The following TRIM67 variants were observed in gnomAD, a reference collection of about 807,000 sequenced individuals.
TRIM67 encodes the protein tripartite motif-containing protein 67.
In TRIM67, 39 loss-of-function variants were observed where a neutral mutation model predicts 71.0. That is an observed-to-expected ratio of 0.55 (90% confidence interval 0.43 to 0.72). The LOEUF (loss-of-function observed/expected upper bound fraction) is 0.72. Among genes scored for constraint, TRIM67 ranks in the 30% least tolerant of loss-of-function variants. TRIM67 has a pLI of 0.00. For missense variants in TRIM67, 973 were observed against 1,079.2 expected, an observed-to-expected ratio of 0.90 and a Z score of 1.38; for synonymous variants, 481 against 473.9, an observed-to-expected ratio of 1.01 and a Z score of -0.19.
chr1:231,197,581 T>TG, intron 2 of TRIM67, 115 bp downstream of exon 2: 3 of 894,972 alleles, frequency 3.4e-6, no homozygotes, highest in Non-Finnish European at 3.5e-6. Context: ...ATCCCAACAC[T>TG]TTGGGAGGCC....
intron 1 of TRIM67, among the ~76,000 whole-genome samples, chr1:231,164,680 C>T (rs1469614327): frequency 6.6e-6 from 1 of 152,170 alleles, no homozygotes; most frequent in Non-Finnish European, 1.5e-5. Context: ...GTAGTCTTAC[C>T]AGTAAACAGT....
intron 1 of TRIM67, among the ~76,000 whole-genome samples, chr1:231,193,503 GCTCT>G (rs3049035): frequency 0.067 from 5,492 of 81,942 alleles, 206 homozygotes; most frequent in South Asian, 0.097. Context: ...TCTCTCTCAA[GCTCT>G]CTCTCTCTCT....
intron 6 of TRIM67, 38 bp downstream of exon 6, chr1:231,204,050 A>G: frequency 6.2e-7 from 1 of 1,610,304 alleles, no homozygotes; most frequent in Non-Finnish European, 8.5e-7. Context: ...GATTGAGGGT[A>G]CCAATGCAGA....
chr1:231,197,486 C>T lies in TRIM67; in HGVS notation c.1140+20C>T, dbSNP rs368412114. 102 of 1,607,022 alleles carry T rather than the reference C, an allele frequency of 6.3e-5. No individual in the cohort carries two copies. The highest frequency in any genetic ancestry group is 6.6e-5 in the Non-Finnish European group (78 of 1,174,012). On this transcript the variant is annotated intron_variant, in intron 2 of 9. Transcript: ENST00000366653. ...ATCCAGGTGAGCACAGCTCTGGCGTCGGGAGAAATACTCAGTGTTGAAAGT... is the reference window on the plus strand; with the variant it reads ...ATCCAGGTGAGCACAGCTCTGGCGTTGGGAGAAATACTCAGTGTTGAAAGT...
At chr1:231,186,455 A>G (rs1179831572) in intron 1 of TRIM67, among the ~76,000 whole-genome samples, 1 of 152,144 alleles carries the variant, frequency 6.6e-6, no homozygotes, top group Non-Finnish European at 1.5e-5. Flanking sequence ...AAGCCAGAAG[A>G]CTGAAATCAG....
chr1:231,187,494 A>C, intron 1 of TRIM67: 1 of 1,505,750 alleles, frequency 6.6e-7, no homozygotes, highest in African/African-American at 1.4e-5. Context: ...TATCAGCCAC[A>C]GGTTAAAAAA....
rs1351039910 is a variant in TRIM67, at chr1:231,216,987, T to C, written c.*1547T>C. ...GCTGAGAAGTGACTTGTCAATTTGC[T>C]GGACTGGATTTTTATAAAATTCGCC... On this transcript the variant is annotated 3_prime_UTR_variant, in exon 10 of 10. Coordinates refer to ENST00000366653, the MANE Select transcript of TRIM67 (RefSeq NM_001004342.5). The C allele has an allele frequency of 4.1e-6, 4 of 985,804 alleles. No homozygotes were observed. Among genetic ancestry groups the C allele is most frequent in the Non-Finnish European group, 4.8e-6 (4 of 829,966 alleles). 61.1% of individuals were successfully genotyped at this position (985,804 alleles called of 1,614,324 possible). A position where few individuals can be genotyped will look rare whatever the true frequency, so the allele number is the denominator to read the frequency against.
rs757404038 is a variant in TRIM67 at position 231,199,189 on chromosome 1, A to T, written c.1263+20A>T. ...TTGAAGGTAGGTACCTGGGGGACTGACACATTGAATCCCTGCCACATCCTC... is the reference window on the plus strand; with the variant it reads ...TTGAAGGTAGGTACCTGGGGGACTGTCACATTGAATCCCTGCCACATCCTC... On this transcript the variant is annotated intron_variant, in intron 3 of 9. Transcript: ENST00000366653. 2 of 1,612,998 alleles carry T rather than the reference A, an allele frequency of 1.2e-6. No individual in the cohort carries two copies. The highest frequency in any genetic ancestry group is 2.7e-5 in the African/African-American group (2 of 75,008).
intron 1 of TRIM67, among the ~76,000 whole-genome samples, chr1:231,176,912 A>AAAAAAAC (rs1682765285): frequency 6.7e-6 from 1 of 150,050 alleles, no homozygotes; most frequent in African/African-American, 2.5e-5. Flanking sequence ...CTGGCAAAAA[A>AAAAAAAC]AAAAAAAAAA....
Position 231,213,901 on chromosome 1 carries a change from A to C in TRIM67, c.2210A>C (p.Gln737Pro), listed in dbSNP as rs369649524. Residue 737 changes from glutamine to proline, a missense_variant, in exon 9 of 10, where the codon CAG becomes CCG. Transcript: ENST00000366653. Reference protein sequence around the residue: ...KHTLTFFINGQQQGPTAFSHV... With the variant: ...KHTLTFFINGPQQGPTAFSHV... ...ACTCTCACCTTCTTCATCAACGGGCAGCAGCAGGGCCCCACAGCCTTCAGC... is the reference window on the plus strand; with the variant it reads ...ACTCTCACCTTCTTCATCAACGGGCCGCAGCAGGGCCCCACAGCCTTCAGC... The C allele has an allele frequency of 1.2e-6, 2 of 1,613,786 alleles. No homozygotes were observed. The highest frequency in any genetic ancestry group is 8.5e-7 in the Non-Finnish European group (1 of 1,179,758).
chr1:231,212,032 A>ATTAAGCCG (rs974540303), intron 8 of TRIM67, among the ~76,000 whole-genome samples: 2 of 152,230 alleles, frequency 1.3e-5, no homozygotes, highest in African/African-American at 4.8e-5. Context: ...CGGTGGCCAA[A>ATTAAGCCG]GAGACAGCTA....
rs113195193 is a variant in TRIM67 at position 231,209,843 on chromosome 1, A to G, written c.2123+593A>G. On this transcript the variant is annotated intron_variant, in intron 8 of 9. Coordinates refer to ENST00000366653, the MANE Select transcript of TRIM67 (RefSeq NM_001004342.5). This position sits in a 1 kb window ranked among gnomAD's most constrained non-coding sequence, Gnocchi z 4.1. Reference sequence around the variant, plus strand: ...TGAGACTGGCCCTGGGAGTAGGGTCACCAGCATGGACACAGGAGACTCAGG... The same window carrying G: ...TGAGACTGGCCCTGGGAGTAGGGTCGCCAGCATGGACACAGGAGACTCAGG... Among the ~76,000 whole-genome samples the G allele has an allele frequency of 1.3e-5, 2 of 152,154 alleles. No homozygotes were observed. The highest frequency in any genetic ancestry group is 2.9e-5 in the Non-Finnish European group (2 of 68,004).
chr1:231,204,960 T>C (rs114805685), intron 6 of TRIM67, among the ~76,000 whole-genome samples: 388 of 152,188 alleles, frequency 2.5e-3, no homozygotes, highest in African/African-American at 8.8e-3. Flanking sequence ...TATGGGCCAA[T>C]TAGGGAGGTA....
chr1:231,208,002 TC>T (rs2102759206), intron 7 of TRIM67, among the ~76,000 whole-genome samples: 1 of 147,320 alleles, frequency 6.8e-6, no homozygotes, highest in Non-Finnish European at 1.5e-5. Context: ...ATCGATTTCC[TC>T]CTGTACTTTT....
intron 4 of TRIM67, among the ~76,000 whole-genome samples, chr1:231,200,645 G>C (rs1181615221): frequency 6.6e-6 from 1 of 152,218 alleles, no homozygotes; most frequent in Admixed American, 6.5e-5. Context: ...GCTGCCTACA[G>C]ACACAGTGCA....
Position 231,182,577 on chromosome 1 carries a change from C to T in TRIM67, c.1045-14794C>T, listed in dbSNP as rs551403703. Among the ~76,000 whole-genome samples the T allele has an allele frequency of 6.2e-4, 95 of 152,154 alleles. 1 individual carries two copies. Among genetic ancestry groups the T allele is most frequent in the African/African-American group, 2.0e-3 (85 of 41,530 alleles). On this transcript the variant is annotated intron_variant, in intron 1 of 9. Transcript: ENST00000366653. ...TGAGGTTTGGATGACCGTGGGGCACCGGTGCAGCCATGGGAAAGGGCACAT... is the reference window on the plus strand; with the variant it reads ...TGAGGTTTGGATGACCGTGGGGCACTGGTGCAGCCATGGGAAAGGGCACAT...
intron 5 of TRIM67, among the ~76,000 whole-genome samples, chr1:231,202,864 G>C (rs767737608): frequency 1.3e-5 from 2 of 152,148 alleles, no homozygotes; most frequent in Non-Finnish European, 2.9e-5. Context: ...GAAAGTGGGG[G>C]TGTGGAGGGA....
rs1684017620 is a variant in TRIM67, at chr1:231,216,554, C to T, written c.*1114C>T. ...TGTTCTAGTCAGTCCACCCTATTGT[C>T]ATTATGAAAGCATCATGAACACAAG... On this transcript the variant is annotated 3_prime_UTR_variant, in exon 10 of 10. Transcript: ENST00000366653. The T allele has an allele frequency of 1.0e-5, 10 of 985,422 alleles. No homozygotes were observed. Among genetic ancestry groups the T allele is most frequent in the Non-Finnish European group, 1.2e-5 (10 of 829,992 alleles). 61.0% of individuals were successfully genotyped at this position (985,422 alleles called of 1,614,324 possible). A position where few individuals can be genotyped will look rare whatever the true frequency, so the allele number is the denominator to read the frequency against.
intron 7 of TRIM67, among the ~76,000 whole-genome samples, chr1:231,208,080 G>A (rs954614181): frequency 6.6e-6 from 1 of 150,750 alleles, no homozygotes; most frequent in African/African-American, 2.4e-5. Flanking sequence ...CACAATCTTG[G>A]CTCACTGCAA....
Sources: gnomAD v4.1 joint callset for allele counts (sites outside exome capture counted in the v4.1 genomes callset) on GRCh38, gnomAD v4.1.1 for gene constraint, Gnocchi (gnomAD v3.1) non-coding constraint, MANE v1.5 for transcripts, NCBI Gene and HGNC (gene_info 2026-07-23, HGNC 2026-07-21) for gene names.